Variants in GLT1D1 observed in about 807,000 individuals in gnomAD.
The protein encoded by GLT1D1 is glycosyltransferase 1 domain containing 1.
In GLT1D1, 21 loss-of-function variants were observed where a neutral mutation model predicts 28.7. The observed-to-expected ratio is 0.73, with a 90% confidence interval of 0.52 to 1.05. GLT1D1 has a LOEUF of 1.05. Among genes scored for constraint, GLT1D1 ranks in the 50% least tolerant of loss-of-function variants. The pLI, the probability that GLT1D1 is intolerant of heterozygous loss-of-function variation, is 0.00. For missense variants in GLT1D1, 343 were observed against 330.6 expected (o/e 1.04, Z -0.29); for synonymous variants, 147 against 124.8 (o/e 1.18, Z -1.19).
intron 5 of GLT1D1, among the ~76,000 whole-genome samples, chr12:128,946,195 G>A (rs1015433015): frequency 5.9e-5 from 9 of 152,248 alleles, no homozygotes; most frequent in Middle Eastern, 3.4e-3. Flanking sequence ...CGGTGGGGAC[G>A]GGGAAGATCG....
At chr12:128,879,815 C>CAAGTGGGATTAGGTCTGTATATTT (rs1956994092) in intron 2 of GLT1D1, among the ~76,000 whole-genome samples, 1 of 152,186 alleles carries the variant, frequency 6.6e-6, no homozygotes, top group African/African-American at 2.4e-5. Flanking sequence ...TTTATTCCCA[C>CAAGTGGGATTAGGTCTGTATATTT]AAGTGGGATT....
At chr12:128,935,476 G>A (rs1874450822) in intron 4 of GLT1D1, among the ~76,000 whole-genome samples, 1 of 151,376 alleles carries the variant, frequency 6.6e-6, no homozygotes, top group Non-Finnish European at 1.5e-5. Context: ...GGGAGGCAGA[G>A]GTTGCAGTGA....
At chr12:128,951,775 G>T (rs567951504) in intron 6 of GLT1D1, among the ~76,000 whole-genome samples, 1 of 152,222 alleles carries the variant, frequency 6.6e-6, no homozygotes, top group African/African-American at 2.4e-5. Flanking sequence ...TCCTTAAGAC[G>T]TTTCCTTTGT....
chr12:128,926,642 A>G (rs1379684315), intron 4 of GLT1D1, among the ~76,000 whole-genome samples, 188 bp downstream of exon 7: 29 of 152,196 alleles, frequency 1.9e-4, no homozygotes, highest in Non-Finnish European at 7.3e-5. Flanking sequence ...CTTTGGAGGA[A>G]TTTCTGTTTA....
chr12:128,945,052 A>G (rs1385245237), intron 4 of GLT1D1: 13 of 644,406 alleles, frequency 2.0e-5, no homozygotes, highest in Non-Finnish European at 3.4e-5. Context: ...TAACAGGCCA[A>G]TTTCTGCGCC....
At chr12:128,896,575 CTTTTTTTTTTT>C (rs60875245) in intron 3 of GLT1D1, among the ~76,000 whole-genome samples, 1 of 105,098 alleles carries the variant, frequency 9.5e-6, no homozygotes, top group Admixed American at 1.1e-4. Context: ...ATGACACATA[CTTTTTTTTTTT>C]TTTTTTTTTT....
At chr12:128,930,183 T>C (rs548332189) in intron 4 of GLT1D1, 2 of 152,342 alleles carry the variant, frequency 1.3e-5, no homozygotes, top group East Asian at 3.9e-4. Flanking sequence ...CATAGAGGTA[T>C]GGTTATTATT....
chr12:128,892,675 C>T (rs1432163431), intron 3 of GLT1D1, among the ~76,000 whole-genome samples: 1 of 152,078 alleles, frequency 6.6e-6, no homozygotes, highest in Non-Finnish European at 1.5e-5. Flanking sequence ...AAGTATTGAA[C>T]TTGTCTAGCT....
At chr12:128,855,394 C>A (rs895675172) in intron 1 of GLT1D1, among the ~76,000 whole-genome samples, 1 of 149,934 alleles carries the variant, frequency 6.7e-6, no homozygotes, top group African/African-American at 2.5e-5. Context: ...AAACCCTCAT[C>A]TCTACAAAAA....
At chr12:128,974,370 C>T (rs973832860) in intron 7 of GLT1D1, among the ~76,000 whole-genome samples, 1 of 152,108 alleles carries the variant, frequency 6.6e-6, no homozygotes, top group Admixed American at 6.5e-5. Flanking sequence ...AACCCTGCAT[C>T]GTGCATTTCA....
At chr12:128,875,176 C>A (rs908427710) in intron 1 of GLT1D1, among the ~76,000 whole-genome samples, 4 of 151,650 alleles carry the variant, frequency 2.6e-5, no homozygotes, top group Non-Finnish European at 5.9e-5. Context: ...AAGAACCGAG[C>A]AACAGAGGCC....
chr12:128,872,162 C>G lies in GLT1D1; in HGVS notation c.69-3752C>G, dbSNP rs972829589. 7.9e-5 allele frequency among the ~76,000 whole-genome samples: 12 copies of G among 152,124 alleles called. No homozygotes were observed. In the South Asian group the frequency reaches 8.3e-4, roughly 10 times the overall value. On this transcript the variant is annotated intron_variant, in intron 1 of 7. Transcript: ENST00000281703. ...AGAGACAGGGTTTCACCATGTTGGT[C>G]AGGCTGGTCTCGAACTCCTGATCCG... is the stretch of plus-strand genomic sequence containing the variant.
chr12:128,943,205 TAA>T (rs923048741), intron 4 of GLT1D1, among the ~76,000 whole-genome samples: 1 of 152,242 alleles, frequency 6.6e-6, no homozygotes, highest in Non-Finnish European at 1.5e-5. Flanking sequence ...ACCTATTGTG[TAA>T]AGTCTTTTTA....
At chr12:128,932,683 G>A (rs1874054920) in intron 4 of GLT1D1, among the ~76,000 whole-genome samples, 1 of 152,138 alleles carries the variant, frequency 6.6e-6, no homozygotes, top group Non-Finnish European at 1.5e-5. Context: ...CCTGGGATTT[G>A]CTGAAACCGC....
chr12:128,867,748 G>A (rs572977194), intron 1 of GLT1D1, among the ~76,000 whole-genome samples: 5 of 152,192 alleles, frequency 3.3e-5, no homozygotes, highest in East Asian at 1.9e-4. Flanking sequence ...ACTGGGGGAC[G>A]GGAGTGGTTA....
chr12:128,855,746 C>CTTT (rs34715979), intron 1 of GLT1D1, among the ~76,000 whole-genome samples: 122 of 95,162 alleles, frequency 1.3e-3, no homozygotes, highest in African/African-American at 3.6e-3. Context: ...TGCTGGTTGC[C>CTTT]TTTTTTTTTT....
At chr12:128,883,934 G>A (rs1015129365) in intron 2 of GLT1D1, among the ~76,000 whole-genome samples, 1 of 152,190 alleles carries the variant, frequency 6.6e-6, no homozygotes, top group South Asian at 2.1e-4. Flanking sequence ...TTACTTCTGA[G>A]AGACCTGGAG....
rs760102564 is a variant in GLT1D1 at position 128,935,207 on chromosome 12, CT to C, written c.376-10118del. Among the ~76,000 whole-genome samples the C allele has an allele frequency of 7.4e-4, 113 of 152,288 alleles. 1 individual carries two copies. Among genetic ancestry groups the C allele is most frequent in the Admixed American group, 5.2e-3 (80 of 15,294 alleles). On this transcript the variant is annotated intron_variant, in intron 4 of 7. Transcript: ENST00000281703. Reference sequence around the variant, plus strand: ...CAAAGCAGTTTTCTTTGAATATCATCTCTCTGCTTTTTAATTTGCATTTTCT... The same window carrying C: ...CAAAGCAGTTTTCTTTGAATATCATCCTCTGCTTTTTAATTTGCATTTTCT...
chr12:128,893,383 T>C (rs1201681042), intron 3 of GLT1D1, among the ~76,000 whole-genome samples: 1 of 152,164 alleles, frequency 6.6e-6, no homozygotes. Context: ...GTGAATTTGC[T>C]GTTTTGTAGG....
Sources: allele counts gnomAD v4.1 joint callset (sites outside exome capture counted in the v4.1 genomes callset), GRCh38; gene constraint gnomAD v4.1.1; transcripts MANE v1.5; gene names NCBI Gene and HGNC (gene_info 2026-07-23, HGNC 2026-07-21).